The following LMX1B variants were observed in gnomAD, a reference collection of about 807,000 sequenced individuals.
LMX1B encodes LIM homeobox transcription factor 1 beta.
Under a neutral mutation model 51.4 loss-of-function variants are expected in LMX1B, and 12 were observed. That is an observed-to-expected ratio of 0.23 (90% confidence interval 0.15 to 0.38). The LOEUF (loss-of-function observed/expected upper bound fraction) is 0.38. LMX1B is among the 10% of genes least tolerant of loss of function. LMX1B has a pLI of 1.00. For missense variants in LMX1B, 445 were observed against 571.1 expected, an observed-to-expected ratio of 0.78 and a Z score of 2.25; for synonymous variants, 237 against 235.4, an observed-to-expected ratio of 1.01 and a Z score of -0.06.
intron 2 of LMX1B, among the ~76,000 whole-genome samples, chr9:126,659,749 C>T (rs552962537): frequency 6.6e-6 from 1 of 150,508 alleles, no homozygotes; most frequent in South Asian, 2.1e-4. Context: ...TGTTTGTCTA[C>T]ACTAGCCTTA....
intron 2 of LMX1B, among the ~76,000 whole-genome samples, chr9:126,640,201 G>A (rs776066313): frequency 6.6e-5 from 10 of 152,206 alleles, no homozygotes; most frequent in African/African-American, 1.4e-4. Context: ...CTTCCAGAGC[G>A]GGGACCTCTG....
intron 2 of LMX1B, among the ~76,000 whole-genome samples, chr9:126,661,846 C>T (rs908202057): frequency 5.9e-5 from 9 of 152,330 alleles, no homozygotes; most frequent in South Asian, 2.1e-4. Flanking sequence ...AGGCCTGCAG[C>T]GCCCCCTGGC....
At chr9:126,660,584 C>A (rs1345970820) in intron 2 of LMX1B, among the ~76,000 whole-genome samples, 1 of 152,190 alleles carries the variant, frequency 6.6e-6, no homozygotes, top group Non-Finnish European at 1.5e-5. Context: ...CAGTAGCCAC[C>A]TCCACTGGTC....
Position 126,696,014 on chromosome 9 carries a change from C to G in LMX1B, c.1051+11C>G. 6.4e-7 allele frequency: 1 copy of G among 1,562,082 alleles called. No homozygotes were observed. Among genetic ancestry groups the G allele is most frequent in the Non-Finnish European group, 8.6e-7 (1 of 1,157,126 alleles). The stretch of plus-strand genomic sequence containing the variant: ...ACATGAACCCCTATGGTAAGCCGCC[C>G]TACCCCCACCCGCCCGCCCCAGCAC... On this transcript the variant is annotated intron_variant, in intron 7 of 7. Coordinates refer to ENST00000373474, the MANE Select transcript of LMX1B (RefSeq NM_001174147.2).
rs560944676 is a variant in LMX1B at position 126,683,138 on chromosome 9, G to A, written c.327-7698G>A. Among the ~76,000 whole-genome samples, 970 of 151,112 alleles carry A rather than the reference G, an allele frequency of 6.4e-3. 5 individuals carry two copies. The highest frequency in any genetic ancestry group is 0.038 in the Middle Eastern group (11 of 292). On this transcript the variant is annotated intron_variant, in intron 2 of 7. Transcript: ENST00000373474. ...GCTGCGGGCCGCAGGAAGCGCAGGG[G>A]CAGCCCTCGCTGCAGGCCCGGCCCC...
chr9:126,652,006 G>C (rs913936766), intron 2 of LMX1B, among the ~76,000 whole-genome samples: 26 of 151,910 alleles, frequency 1.7e-4, no homozygotes, highest in African/African-American at 6.0e-4. Flanking sequence ...GAGATGGGGG[G>C]GGGCCTGCCT....
rs1221041008 is a variant in LMX1B at position 126,641,829 on chromosome 9, C to T, written c.326+26260C>T. 6.6e-6 allele frequency among the ~76,000 whole-genome samples: 1 copy of T among 152,210 alleles called. No homozygotes were observed. The highest frequency in any genetic ancestry group is 1.5e-5 in the Non-Finnish European group (1 of 68,040). Reference sequence around the variant, plus strand: ...AGCACCCAGCCTCTTGCCACTCACGCGTGAGCAATTGTGGTCACAGCTGAT... The same window carrying T: ...AGCACCCAGCCTCTTGCCACTCACGTGTGAGCAATTGTGGTCACAGCTGAT... On this transcript the variant is annotated intron_variant, in intron 2 of 7. Coordinates refer to ENST00000373474, the MANE Select transcript of LMX1B (RefSeq NM_001174147.2). The surrounding 1 kb of genome is among the most constrained non-coding windows in gnomAD (Gnocchi z 4.1).
intron 2 of LMX1B, among the ~76,000 whole-genome samples, chr9:126,630,268 G>T (rs1240261013): frequency 6.6e-6 from 1 of 152,118 alleles, no homozygotes; most frequent in African/African-American, 2.4e-5. Context: ...GCCAGTGGGG[G>T]GCTATGCAGC....
intron 2 of LMX1B, among the ~76,000 whole-genome samples, chr9:126,688,581 C>CA (rs1403674291): frequency 1.3e-5 from 2 of 152,226 alleles, no homozygotes; most frequent in Non-Finnish European, 2.9e-5. Context: ...TCTACAAACC[C>CA]AGGCTCCTTC....
At position 126,618,806 on chromosome 9, in the gene LMX1B, C is replaced by T. The variant is rs1247528857; in HGVS notation, c.326+3237C>T. On this transcript the variant is annotated intron_variant, in intron 2 of 7. Coordinates refer to ENST00000373474, the MANE Select transcript of LMX1B (RefSeq NM_001174147.2). This position sits in a 1 kb window ranked among gnomAD's most constrained non-coding sequence, Gnocchi z 4.5. ...AGGAGGCTCCGGAAGGGGGGAGGGTCGGTGGGAGAGTCCAAAAATCTGTCA... is the reference window on the plus strand; with the variant it reads ...AGGAGGCTCCGGAAGGGGGGAGGGTTGGTGGGAGAGTCCAAAAATCTGTCA... Among the ~76,000 whole-genome samples the T allele has an allele frequency of 6.6e-6, 1 of 152,090 alleles. No homozygotes were observed. The highest frequency in any genetic ancestry group is 1.5e-5 in the Non-Finnish European group (1 of 68,008).
intron 2 of LMX1B, among the ~76,000 whole-genome samples, chr9:126,646,022 TC>T (rs1259085275): frequency 6.6e-6 from 1 of 152,114 alleles, no homozygotes; most frequent in African/African-American, 2.4e-5. Context: ...GAGAAATACT[TC>T]CTGAGCCGAT....
rs557664114 is a variant in LMX1B at position 126,627,647 on chromosome 9, A to G, written c.326+12078A>G. Among the ~76,000 whole-genome samples, 31 of 152,130 alleles carry G rather than the reference A, an allele frequency of 2.0e-4. No individual in the cohort carries two copies. The South Asian group carries it at 6.4e-3, about 32-fold the overall frequency. On this transcript the variant is annotated intron_variant, in intron 2 of 7. Coordinates refer to ENST00000373474, the MANE Select transcript of LMX1B (RefSeq NM_001174147.2). Reference sequence around the variant, plus strand: ...CCCAGGCCTCCCTGGCCTGATTTCCAGGGCCTGGCCTTCTGCGTGGCCTCC... The same window carrying G: ...CCCAGGCCTCCCTGGCCTGATTTCCGGGGCCTGGCCTTCTGCGTGGCCTCC...
chr9:126,638,886 G>A (rs1418187524), intron 2 of LMX1B, among the ~76,000 whole-genome samples: 1 of 152,218 alleles, frequency 6.6e-6, no homozygotes, highest in African/African-American at 2.4e-5. Context: ...GGGCGGAGGT[G>A]CCTAATCCTA....
chr9:126,669,666 G>A (rs148083406), intron 2 of LMX1B, among the ~76,000 whole-genome samples: 166 of 152,284 alleles, frequency 1.1e-3, no homozygotes, highest in African/African-American at 3.9e-3. Flanking sequence ...CTGTGTGTAC[G>A]TCTGTATATG....
At chr9:126,632,231 T>G (rs1228810506) in intron 2 of LMX1B, among the ~76,000 whole-genome samples, 5 of 152,224 alleles carry the variant, frequency 3.3e-5, no homozygotes, top group African/African-American at 4.8e-5. Flanking sequence ...AGGGAAGAGT[T>G]GTGGGCAGGG....
In LMX1B at chr9:126,690,985, A is replaced by G. The variant is rs1390371575; in HGVS notation, c.476A>G (p.Lys159Arg). ...QLRKGDEFVL[K>R]EGQLLCKGDY... ...CGCAAGGGCGACGAATTCGTGCTCA[A>G]GGAGGGCCAGCTGCTGTGCAAGGGT... Residue 159 changes from lysine (K) to arginine (R), a missense_variant, in exon 3 of 8, where the codon AAG (lysine) becomes AGG (arginine). Around this residue, in one of 3 missense-constraint regions of LMX1B, gnomAD observed 273 missense variants for 343.3 expected, o/e 0.80. Coordinates refer to ENST00000373474, the MANE Select transcript of LMX1B (RefSeq NM_001174147.2). 1.9e-6 allele frequency: 3 copies of G among 1,614,092 alleles called. No homozygotes were observed. Among genetic ancestry groups the G allele is most frequent in the South Asian group, 1.1e-5 (1 of 91,080 alleles).
In LMX1B at chr9:126,615,645, GCGCCCGCTCTGC is replaced by G; in HGVS notation, c.326+81_326+92del. 3 of 1,394,866 alleles carry G rather than the reference GCGCCCGCTCTGC, an allele frequency of 2.2e-6. 1 individual carries two copies. In the South Asian group the frequency reaches 3.8e-5, roughly 18 times the overall value. The allele number at this position is 1,394,866 out of a possible 1,614,324, so 86.4% of individuals were successfully genotyped here. The stretch of plus-strand genomic sequence containing the variant: ...GTCAGCCCCCTGCCGGGCCCGGCCC[GCGCCCGCTCTGC>G]CGCCGGCTCTGTGCGCGGCTGGGCC... On this transcript the variant is annotated intron_variant, in intron 2 of 7. Transcript: ENST00000373474. The surrounding 1 kb of genome is among the most constrained non-coding windows in gnomAD (Gnocchi z 6.0).
chr9:126,678,241 T>C (rs1588297590), intron 2 of LMX1B, among the ~76,000 whole-genome samples: 1 of 141,784 alleles, frequency 7.1e-6, no homozygotes, highest in Non-Finnish European at 1.5e-5. Flanking sequence ...ATCCGGGAGG[T>C]GGAGCTTGCA....
Position 126,658,945 on chromosome 9 carries a change from G to A in LMX1B, c.327-31891G>A, listed in dbSNP as rs1422651990. 6.6e-6 allele frequency among the ~76,000 whole-genome samples: 1 copy of A among 152,222 alleles called. No individual in the cohort carries two copies. The highest frequency in any genetic ancestry group is 1.5e-5 in the Non-Finnish European group (1 of 68,038). The stretch of plus-strand genomic sequence containing the variant: ...ACCCAGAAGCCCCACATAGGATGGG[G>A]CAGGCCTGATCCAAGGCTGGGATAC... On this transcript the variant is annotated intron_variant, in intron 2 of 7. Transcript: ENST00000373474. This position sits in a 1 kb window ranked among gnomAD's most constrained non-coding sequence, Gnocchi z 4.0.
Sources: allele counts gnomAD v4.1 joint callset (sites outside exome capture counted in the v4.1 genomes callset), GRCh38; gene constraint gnomAD v4.1.1; regional missense constraint gnomAD v4.1.1; non-coding constraint Gnocchi (gnomAD v3.1); transcripts MANE v1.5; gene names NCBI Gene and HGNC (gene_info 2026-07-23, HGNC 2026-07-21).